Variants in GOLGA8A observed in about 807,000 individuals in gnomAD.
The protein encoded by GOLGA8A is golgin A8 family member A, also known as golgin subfamily A member 8A.
Under a neutral mutation model 22.1 loss-of-function variants are expected in GOLGA8A, and 3 were observed. The observed-to-expected ratio is 0.14, with a 90% CI of 0.06 to 0.35. GOLGA8A has a LOEUF of 0.35. Among genes scored for constraint, GOLGA8A ranks in the 10% least tolerant of loss-of-function variants. The pLI, the probability that GOLGA8A is intolerant of heterozygous loss-of-function variation, is 1.00. For synonymous variants in GOLGA8A, 7 were observed against 91.7 expected, an observed-to-expected ratio of 0.08 and a Z score of 5.28; for missense variants, 16 against 233.2, an observed-to-expected ratio of 0.07 and a Z score of 6.07.
At chr15:34,403,028 T>G (rs868289866) in intron 5 of GOLGA8A, among the ~76,000 whole-genome samples, 1 of 110,808 alleles carries the variant, frequency 9.0e-6, no homozygotes, top group East Asian at 2.8e-4. Flanking sequence ...TGAAGCATTA[T>G]GAAGTTTCAA....
At chr15:34,417,798 A>C (rs1264403219) in intron 2 of GOLGA8A, 1 of 148,072 alleles carries the variant, frequency 6.8e-6, no homozygotes, top group Non-Finnish European at 1.5e-5. Flanking sequence ...GCTCTAGTTT[A>C]CACAGTAATT....
chr15:34,425,613 T>A (rs1447197582), intron 2 of GOLGA8A, among the ~76,000 whole-genome samples: 1 of 144,234 alleles, frequency 6.9e-6, no homozygotes, highest in Non-Finnish European at 1.5e-5. Context: ...ATTTCCAAAT[T>A]TTTACATTGC....
At chr15:34,427,223 C>A (rs149899943) in intron 2 of GOLGA8A, among the ~76,000 whole-genome samples, 1 of 143,808 alleles carries the variant, frequency 7.0e-6, no homozygotes. Flanking sequence ...CCCAGCTACT[C>A]GGGAAGCTGA....
rs757963500 is a variant in GOLGA8A, at chr15:34,425,164, GAA to G, written c.-1123+10217_-1123+10218del. Among the ~76,000 whole-genome samples, 17 of 126,144 alleles carry G rather than the reference GAA, an allele frequency of 1.3e-4. 1 individual carries two copies. The highest frequency in any genetic ancestry group is 1.9e-4 in the Non-Finnish European group (11 of 57,156). 82.8% of individuals were successfully genotyped at this position (126,144 alleles called of 152,430 possible). Reference sequence around the variant, plus strand: ...GAAAGGTTGGCGGAGAATGAAAAAAGAAGAGGAATGAAGAGGTAATGGCCCTT... The same window carrying G: ...GAAAGGTTGGCGGAGAATGAAAAAAGGAGGAATGAAGAGGTAATGGCCCTT... On this transcript the variant is annotated intron_variant, in intron 2 of 24. Coordinates refer to ENST00000359187, the MANE Select transcript of GOLGA8A (RefSeq NM_181077.5).
At chr15:34,434,659 G>C (rs114505481) in intron 2 of GOLGA8A, among the ~76,000 whole-genome samples, 2 of 148,732 alleles carry the variant, frequency 1.3e-5, no homozygotes, top group Non-Finnish European at 3.0e-5. Flanking sequence ...GTGGGCGCTC[G>C]GGCCAACCAC....
chr15:34,431,905 T>C (rs948736378), intron 2 of GOLGA8A, among the ~76,000 whole-genome samples: 3 of 149,284 alleles, frequency 2.0e-5, no homozygotes, highest in African/African-American at 4.9e-5. Context: ...CTCTGTCATA[T>C]ATGCTATCAT....
intron 2 of GOLGA8A, among the ~76,000 whole-genome samples, chr15:34,425,420 C>T (rs1332732114): frequency 7.0e-6 from 1 of 143,730 alleles, no homozygotes; most frequent in African/African-American, 2.5e-5. Flanking sequence ...ACAAATCACA[C>T]CGTATCTAAA....
intron 2 of GOLGA8A, chr15:34,418,873 G>T (rs1892681272): frequency 6.8e-6 from 1 of 146,668 alleles, no homozygotes; most frequent in African/African-American, 2.5e-5. Flanking sequence ...AGAATTTCCA[G>T]CTGCCAGGTC....
intron 2 of GOLGA8A, among the ~76,000 whole-genome samples, chr15:34,424,603 T>G: frequency 7.5e-6 from 1 of 133,234 alleles, no homozygotes; most frequent in Non-Finnish European, 1.6e-5. Flanking sequence ...GCAGCAGAAG[T>G]GAGAGACGCA....
At position 34,428,092 on chromosome 15, in the gene GOLGA8A, ACTT is replaced by A. The variant is rs200528770; in HGVS notation, c.-1123+7288_-1123+7290del. Among the ~76,000 whole-genome samples the A allele has an allele frequency of 3.7e-4, 53 of 144,362 alleles. 2 individuals carry two copies. Among genetic ancestry groups the A allele is most frequent in the Admixed American group, 1.3e-3 (19 of 14,114 alleles). The allele number at this position is 144,362 out of a possible 152,430, so 94.7% of individuals were successfully genotyped here. Reference sequence around the variant, plus strand: ...TGGAGCTTTCTCTCCTTCAAATCAGACTTCTTTTTTTTTTTTTGAGAGAGAGAA... The same window carrying A: ...TGGAGCTTTCTCTCCTTCAAATCAGACTTTTTTTTTTTTTGAGAGAGAGAA... On this transcript the variant is annotated intron_variant, in intron 2 of 24. Coordinates refer to ENST00000359187, the MANE Select transcript of GOLGA8A (RefSeq NM_181077.5).
rs1566916944 is a variant in GOLGA8A, at chr15:34,437,511, C to CCGCTGCCGGGTCTCTCCCGGGG, written c.-1326_-1325insCCCCGGGAGAGACCCGGCAGCG. The CCGCTGCCGGGTCTCTCCCGGGG allele has an allele frequency of 1.6e-3, 42 of 26,228 alleles. 2 individuals are homozygous for CCGCTGCCGGGTCTCTCCCGGGG. The highest frequency in any genetic ancestry group is 4.3e-3 in the South Asian group (2 of 460). The allele number at this position is 26,228 out of a possible 1,614,324, so 1.6% of individuals were successfully genotyped here. A position where few individuals can be genotyped will look rare whatever the true frequency, so the allele number is the denominator to read the frequency against. On this transcript the variant is annotated 5_prime_UTR_variant, in exon 1 of 25. Transcript: ENST00000359187. ...CCTCGCCGCGCCGCCGTCCTCGCCG[C>CCGCTGCCGGGTCTCTCCCGGGG]GCCGCCGTCCTCGCCGCGCCGCCGT...
At chr15:34,428,127 ACT>A (rs766322053) in intron 2 of GOLGA8A, among the ~76,000 whole-genome samples, 2 of 141,410 alleles carry the variant, frequency 1.4e-5, no homozygotes, top group East Asian at 4.3e-4. Context: ...AGAAGTTCTC[ACT>A]CTGTCACCCA....
chr15:34,431,335 A>ATCTC (rs1254192860), intron 2 of GOLGA8A, among the ~76,000 whole-genome samples: 3 of 69,724 alleles, frequency 4.3e-5, no homozygotes, highest in African/African-American at 1.2e-4. Flanking sequence ...ATATATATAT[A>ATCTC]TATATATATA....
chr15:34,381,089 C>T lies in GOLGA8A; in HGVS notation c.*322G>A. On this transcript the variant is annotated 3_prime_UTR_variant, in exon 25 of 25. Coordinates refer to ENST00000359187, the MANE Select transcript of GOLGA8A (RefSeq NM_181077.5). ...GGAGCCTATTCCAAACCAGCGAGAACAGTTTTGTGCAAAGAGTGGGTCTTT... is the reference window on the plus strand; with the variant it reads ...GGAGCCTATTCCAAACCAGCGAGAATAGTTTTGTGCAAAGAGTGGGTCTTT... The T allele has an allele frequency of 2.4e-6, 1 of 424,238 alleles. No individual in the cohort carries two copies. The highest frequency in any genetic ancestry group is 4.4e-6 in the Non-Finnish European group (1 of 226,892). 26.3% of individuals were successfully genotyped at this position (424,238 alleles called of 1,614,324 possible).
chr15:34,434,181 C>T (rs943077130), intron 2 of GOLGA8A, among the ~76,000 whole-genome samples: 8 of 149,424 alleles, frequency 5.4e-5, no homozygotes, highest in African/African-American at 2.0e-4. Context: ...CCTGGAGGGG[C>T]CATTCTTGGG....
intron 2 of GOLGA8A, among the ~76,000 whole-genome samples, chr15:34,429,877 C>CCGCA (rs1723238593): frequency 6.8e-6 from 1 of 147,806 alleles, no homozygotes; most frequent in South Asian, 2.2e-4. Flanking sequence ...GGTTAGTGTC[C>CCGCA]CGCACCCCTT....
chr15:34,430,226 G>T (rs1893167825), intron 2 of GOLGA8A, among the ~76,000 whole-genome samples: 1 of 149,048 alleles, frequency 6.7e-6, no homozygotes, highest in South Asian at 2.2e-4. Flanking sequence ...GTCTGGAGGG[G>T]CTTCTGCTCT....
intron 2 of GOLGA8A, among the ~76,000 whole-genome samples, chr15:34,434,047 G>C (rs1017013562): frequency 1.3e-5 from 2 of 148,966 alleles, no homozygotes; most frequent in African/African-American, 5.0e-5. Context: ...GGGATAAGAT[G>C]AAAGAGCCTA....
rs1891396434 is a variant in GOLGA8A, at chr15:34,379,931, G to A, written c.*1480C>T. ...GGTACAAAAACGTATTTCACTCTTC[G>A]TAAAGAAGTTTGTGAGGAAATACAA... On this transcript the variant is annotated 3_prime_UTR_variant, in exon 25 of 25. Transcript: ENST00000359187. 1 of 152,604 alleles carries A rather than the reference G, an allele frequency of 6.6e-6. No individual in the cohort carries two copies. The highest frequency in any genetic ancestry group is 1.5e-5 in the Non-Finnish European group (1 of 68,040). The allele number at this position is 152,604 out of a possible 1,614,324, so 9.5% of individuals were successfully genotyped here.
Sources: allele counts gnomAD v4.1 joint callset (sites outside exome capture counted in the v4.1 genomes callset), GRCh38; gene constraint gnomAD v4.1.1; transcripts MANE v1.5; gene names NCBI Gene and HGNC (gene_info 2026-07-23, HGNC 2026-07-21).